Variants in ADGRG5 observed in about 807,000 individuals in gnomAD.
The protein encoded by ADGRG5 is G protein-coupled receptor 114.
In ADGRG5, 37 loss-of-function variants were observed where a neutral mutation model predicts 53.2. The ratio of observed to expected loss-of-function variants is 0.70; its 90% CI spans 0.53 to 0.91. ADGRG5 has a LOEUF of 0.91. Ranked by LOEUF, ADGRG5 falls within the 40% of genes least tolerant of loss-of-function variation. ADGRG5 has a pLI of 0.00. For synonymous variants in ADGRG5, 277 were observed against 290.4 expected (o/e 0.95, Z 0.47); for missense variants, 614 against 675.8 (o/e 0.91, Z 1.01).
chr16:57,539,196 G>A (rs1339834816), upstream of ADGRG5, among the ~76,000 whole-genome samples: 2 of 152,158 alleles, frequency 1.3e-5, no homozygotes, highest in African/African-American at 4.8e-5. Context: ...CCTTGAAGAC[G>A]TCATGCTAAG....
At chr16:57,555,164 A>G (rs1174227731) in intron 1 of ADGRG5, among the ~76,000 whole-genome samples, 1 of 152,294 alleles carries the variant, frequency 6.6e-6, no homozygotes, top group Non-Finnish European at 1.5e-5. Context: ...AGAGTGTTCT[A>G]TAAATATAAA....
At chr16:57,570,835 C>T (rs1000604063) in intron 10 of ADGRG5, among the ~76,000 whole-genome samples, 2 of 152,168 alleles carry the variant, frequency 1.3e-5, no homozygotes, top group African/African-American at 4.8e-5. Context: ...CTCCAGTGCC[C>T]AGGCCCTGAG....
the ADGRG5 span, among the ~76,000 whole-genome samples, chr16:57,534,442 G>A: frequency 6.6e-6 from 1 of 152,220 alleles, no homozygotes; most frequent in African/African-American, 2.4e-5. Flanking sequence ...TTGTGGACTT[G>A]TCTGGAATAT....
chr16:57,563,298 C>T (rs1157277936), intron 4 of ADGRG5, 51 bp downstream of exon 4: 22 of 1,537,400 alleles, frequency 1.4e-5, no homozygotes, highest in Non-Finnish European at 1.8e-5. Context: ...CCCTAGAAGT[C>T]CTCCAGGCAT....
At chr16:57,535,457 G>A in the ADGRG5 span, among the ~76,000 whole-genome samples, 1 of 152,184 alleles carries the variant, frequency 6.6e-6, no homozygotes, top group Non-Finnish European at 1.5e-5. Context: ...CGGACCAGCA[G>A]CAAGGCCAGA....
intron 1 of ADGRG5, among the ~76,000 whole-genome samples, chr16:57,560,599 A>G (rs2032977372): frequency 6.6e-6 from 1 of 152,034 alleles, no homozygotes; most frequent in South Asian, 2.1e-4. Context: ...GGGAGGGGAT[A>G]TTGCTTAATT....
rs1246396912 is a variant in ADGRG5 at position 57,576,982 on chromosome 16, G to C, written c.*1444G>C. On this transcript the variant is annotated 3_prime_UTR_variant, in exon 12 of 12. Coordinates refer to ENST00000349457, the MANE Select transcript of ADGRG5 (RefSeq NM_001304376.3). ...ATGCAAATAACTCCTTCACCAGGCA[G>C]TGAGTGGCGTAGGCTCTGGAGCCAG... 1 of 152,248 alleles carries C rather than the reference G, an allele frequency of 6.6e-6. No homozygotes were observed. Among genetic ancestry groups the C allele is most frequent in the Non-Finnish European group, 1.5e-5 (1 of 68,042 alleles). 9.4% of individuals were successfully genotyped at this position (152,248 alleles called of 1,614,324 possible).
intron 1 of ADGRG5, among the ~76,000 whole-genome samples, chr16:57,559,753 A>C (rs2032960059): frequency 6.6e-6 from 1 of 151,870 alleles, no homozygotes; most frequent in South Asian, 2.1e-4. Context: ...CTAAAAAAAA[A>C]AAAGATTTTG....
chr16:57,555,874 G>T (rs1324353843), intron 1 of ADGRG5, among the ~76,000 whole-genome samples: 5 of 152,262 alleles, frequency 3.3e-5, no homozygotes, highest in African/African-American at 1.2e-4. Context: ...GGATCATGGG[G>T]ACAGATTTCC....
intron 1 of ADGRG5, among the ~76,000 whole-genome samples, chr16:57,561,701 GC>G (rs2033005560): frequency 6.6e-6 from 1 of 152,236 alleles, no homozygotes; most frequent in Non-Finnish European, 1.5e-5. Context: ...TAATGGCAGG[GC>G]TGGATGGGGT....
intron 10 of ADGRG5, among the ~76,000 whole-genome samples, chr16:57,573,520 G>C (rs1385397003): frequency 1.3e-5 from 2 of 152,054 alleles, no homozygotes; most frequent in Non-Finnish European, 2.9e-5. Context: ...CTACAGTGTG[G>C]GAGTGGGCCA....
chr16:57,566,572 T>A, intron 6 of ADGRG5, 27 bp from the exon 7 acceptor site: 1 of 1,470,094 alleles, frequency 6.8e-7, no homozygotes, highest in Non-Finnish European at 9.0e-7. Context: ...CTCTGCACCC[T>A]ATGACTGACC....
chr16:57,540,032 C>G (rs115170483), upstream of ADGRG5, among the ~76,000 whole-genome samples: 2,249 of 152,150 alleles, frequency 0.015, 45 homozygotes, highest in African/African-American at 0.052. Context: ...CTTGACTTGT[C>G]AAGAGATCGA....
intron 1 of ADGRG5, among the ~76,000 whole-genome samples, chr16:57,555,480 G>A (rs1567616219): frequency 6.6e-6 from 1 of 152,124 alleles, no homozygotes; most frequent in African/African-American, 2.4e-5. Flanking sequence ...CTTCATAGCA[G>A]CATGAGAATG....
At chr16:57,539,596 G>C (rs2032460568), upstream of ADGRG5, among the ~76,000 whole-genome samples, 1 of 151,420 alleles carries the variant, frequency 6.6e-6, no homozygotes, top group South Asian at 2.1e-4. Flanking sequence ...GGATCTACAG[G>C]GGCACGTTAC....
At position 57,566,681 on chromosome 16, in the gene ADGRG5, G is replaced by A. The variant is rs757340260; in HGVS notation, c.629G>A (p.Arg210His). The part of the protein sequence containing the change: ...PWGGWSPEGC[R>H]TEQPSHSQVL... The stretch of plus-strand genomic sequence containing the variant: ...GGGGGCTGGAGCCCTGAGGGCTGTC[G>A]TACAGAGCAGCCCTCCCACTCTCAG... The change falls in exon 7 of 12, where the codon CGT becomes CAT. Residue 210 changes from arginine to histidine, a missense_variant. By Grantham distance (29) the Arg-to-His change is conservative (BLOSUM62 0). Coordinates refer to ENST00000349457, the MANE Select transcript of ADGRG5 (RefSeq NM_001304376.3). The A allele has an allele frequency of 1.1e-5, 17 of 1,592,522 alleles. No individual in the cohort carries two copies. Among genetic ancestry groups the A allele is most frequent in the Admixed American group, 5.3e-5 (3 of 56,084 alleles).
At chr16:57,543,346 G>C (rs1053633272) in intron 1 of ADGRG5, among the ~76,000 whole-genome samples, 1 of 145,186 alleles carries the variant, frequency 6.9e-6, no homozygotes, top group African/African-American at 2.6e-5. Flanking sequence ...GCAGTGGTGC[G>C]ATCTCGGCTC....
chr16:57,529,216 G>T, the ADGRG5 span: 2 of 1,152,982 alleles, frequency 1.7e-6, no homozygotes, highest in Non-Finnish European at 2.1e-6. The surrounding 1 kb of genome is among the most constrained non-coding windows in gnomAD (Gnocchi z 4.1). Context: ...ACTCGCGGTC[G>T]GGCTCAGGGG....
upstream of ADGRG5, among the ~76,000 whole-genome samples, chr16:57,538,225 A>G (rs1209889239): frequency 6.6e-6 from 1 of 152,166 alleles, no homozygotes; most frequent in Non-Finnish European, 1.5e-5. Flanking sequence ...TGCTGGCCAC[A>G]GGTTTTGGCA....
Sources: gnomAD v4.1 joint callset for allele counts (sites outside exome capture counted in the v4.1 genomes callset) on GRCh38, gnomAD v4.1.1 for gene constraint, Gnocchi (gnomAD v3.1) non-coding constraint, MANE v1.5 for transcripts, NCBI Gene and HGNC (gene_info 2026-07-23, HGNC 2026-07-21) for gene names.